Variants in RAPGEF6 observed in about 807,000 individuals in gnomAD.
RAPGEF6 encodes the protein PDZ domain containing guanine nucleotide exchange factor (GEF) 2.
RAPGEF6 carries 56 observed loss-of-function variants against 171.4 expected under a neutral mutation model. That is an observed-to-expected ratio of 0.33 (90% CI 0.26 to 0.41). RAPGEF6 has a LOEUF of 0.41. RAPGEF6 is among the 10% of genes least tolerant of loss of function. The pLI is 1.00. For missense variants in RAPGEF6, 1,674 were observed against 1,921.4 expected (o/e 0.87, Z 2.41); for synonymous variants, 692 against 650.1 (o/e 1.06, Z -0.98).
At chr5:131,575,262 T>C (rs777548185) in intron 4 of RAPGEF6, among the ~76,000 whole-genome samples, 66 of 152,250 alleles carry the variant, frequency 4.3e-4, no homozygotes, top group Non-Finnish European at 7.8e-4. Context: ...ATTACTTTAG[T>C]CAAGCTCTTT....
chr5:131,537,955 T>G (rs1759881955), intron 6 of RAPGEF6, among the ~76,000 whole-genome samples: 1 of 152,060 alleles, frequency 6.6e-6, no homozygotes, highest in South Asian at 2.1e-4. Context: ...TAGCTGGGTG[T>G]GGAGGCATGT....
intron 24 of RAPGEF6, 72 bp downstream of exon 24, chr5:131,439,509 T>A: frequency 6.7e-7 from 1 of 1,491,620 alleles, no homozygotes; most frequent in Non-Finnish European, 8.9e-7. Context: ...TTGCTATAGA[T>A]TGAAAAGCAA....
chr5:131,547,902 G>A, intron 6 of RAPGEF6, 145 bp downstream of exon 6: 2 of 806,284 alleles, frequency 2.5e-6, no homozygotes, highest in South Asian at 2.0e-5. Flanking sequence ...CCAAACAGAA[G>A]CATTTAAAAA....
At chr5:131,459,085 A>G (rs1753720441) in intron 19 of RAPGEF6, among the ~76,000 whole-genome samples, 1 of 152,246 alleles carries the variant, frequency 6.6e-6, no homozygotes, top group Non-Finnish European at 1.5e-5. Context: ...ATCAGACCTT[A>G]AAACCTATTT....
chr5:131,603,849 TA>T (rs1764392972), intron 2 of RAPGEF6, among the ~76,000 whole-genome samples: 2 of 152,010 alleles, frequency 1.3e-5, no homozygotes, highest in Non-Finnish European at 2.9e-5. Flanking sequence ...AATAAATCTC[TA>T]ATAATTATAT....
chr5:131,430,546 A>G (rs1751634836), intron 26 of RAPGEF6, among the ~76,000 whole-genome samples: 1 of 152,212 alleles, frequency 6.6e-6, no homozygotes, highest in Admixed American at 6.5e-5. Context: ...TAATCCCTTT[A>G]CTACTATTGC....
rs763497124 is a variant in RAPGEF6, at chr5:131,436,397, CA to C, written c.3746-2740del. ...ATACTGCCAACTGGAGGGAGAGATGCAAAAACCCTGACATGGTCAATCACAA... is the reference window on the plus strand; with the variant it reads ...ATACTGCCAACTGGAGGGAGAGATGCAAAACCCTGACATGGTCAATCACAA... On this transcript the variant is annotated intron_variant, in intron 24 of 27. Coordinates refer to ENST00000509018, the MANE Select transcript of RAPGEF6 (RefSeq NM_016340.6). 22 of 1,528,412 alleles carry C rather than the reference CA, an allele frequency of 1.4e-5. No homozygotes were observed. The South Asian group carries it at 2.5e-4, about 18-fold the overall frequency. 94.7% of individuals were successfully genotyped at this position (1,528,412 alleles called of 1,614,324 possible).
At position 131,424,853 on chromosome 5, in the gene RAPGEF6, C is replaced by T. The variant is rs1247950596; in HGVS notation, c.*2413G>A. The stretch of plus-strand genomic sequence containing the variant: ...AGTCTTGGCAGATTGAGAGTTGTGG[C>T]AGGAAGAGAGGGCACTAGTCTCTTC... On this transcript the variant is annotated 3_prime_UTR_variant, in exon 28 of 28. Transcript: ENST00000509018. 6.6e-6 allele frequency: 1 copy of T among 152,260 alleles called. No homozygotes were observed. Among genetic ancestry groups the T allele is most frequent in the Non-Finnish European group, 1.5e-5 (1 of 68,032 alleles). The allele number at this position is 152,260 out of a possible 1,614,324, so 9.4% of individuals were successfully genotyped here.
intron 6 of RAPGEF6, among the ~76,000 whole-genome samples, chr5:131,526,943 G>A (rs1758906410): frequency 6.6e-6 from 1 of 152,152 alleles, no homozygotes; most frequent in African/African-American, 2.4e-5. Context: ...TATATATAGA[G>A]GGGGGTGGGG....
intron 7 of RAPGEF6, among the ~76,000 whole-genome samples, chr5:131,513,115 T>C (rs1366792603): frequency 2.0e-5 from 3 of 152,200 alleles, no homozygotes; most frequent in Admixed American, 1.3e-4. Flanking sequence ...CGGAGTATAT[T>C]TCTGAATAAT....
intron 14 of RAPGEF6, among the ~76,000 whole-genome samples, chr5:131,492,337 G>C (rs1383293106): frequency 1.3e-5 from 2 of 152,094 alleles, no homozygotes; most frequent in Admixed American, 6.5e-5. Context: ...ATTCAAAGGA[G>C]GTCATGTTGA....
Position 131,500,050 on chromosome 5 carries a change from C to T in RAPGEF6, c.1255-1443G>A, listed in dbSNP as rs897797539. 1.2e-4 allele frequency among the ~76,000 whole-genome samples: 19 copies of T among 152,084 alleles called. 1 individual carries two copies. On this transcript the variant is annotated intron_variant, in intron 11 of 27. Coordinates refer to ENST00000509018, the MANE Select transcript of RAPGEF6 (RefSeq NM_016340.6). ...AGTAGCTGCAATTACAGGCATGCAC[C>T]ACTATGCCCAGCTAATTTTTGTATT... is the stretch of plus-strand genomic sequence containing the variant.
intron 19 of RAPGEF6, among the ~76,000 whole-genome samples, chr5:131,459,240 G>T (rs1156946442): frequency 6.6e-6 from 1 of 152,072 alleles, no homozygotes; most frequent in East Asian, 1.9e-4. Flanking sequence ...AATGATGTTG[G>T]GTGAAGAAGT....
Position 131,548,154 on chromosome 5 carries a change from G to T in RAPGEF6, c.388C>A (p.Gln130Lys), listed in dbSNP as rs764185840. Residue 130 changes from glutamine to lysine, a missense_variant, in exon 6 of 28, where the codon CAA becomes AAA. Physicochemically the swap from Gln to Lys is moderately conservative, Grantham distance 53. Transcript: ENST00000509018. ...NAKDNEDSIL[Q>K]REIPARQSRR... ...GATTGTCTGGCAGGAATTTCTCTTT[G>T]TAGAATACTATCTTCATTATCTTTG... The T allele has an allele frequency of 6.2e-7, 1 of 1,613,830 alleles. No individual in the cohort carries two copies. Among genetic ancestry groups the T allele is most frequent in the South Asian group, 1.1e-5 (1 of 91,064 alleles).
chr5:131,603,653 T>C (rs1345400532), intron 2 of RAPGEF6, among the ~76,000 whole-genome samples: 1 of 152,094 alleles, frequency 6.6e-6, no homozygotes, highest in African/African-American at 2.4e-5. Flanking sequence ...GAATCCTCAG[T>C]GTGAAGAACA....
At chr5:131,575,454 G>C (rs993962646) in intron 4 of RAPGEF6, among the ~76,000 whole-genome samples, 10 of 152,048 alleles carry the variant, frequency 6.6e-5, no homozygotes, top group African/African-American at 2.4e-4. Context: ...ATCCGTTACC[G>C]ATCTTGGCAT....
At chr5:131,529,911 T>C (rs1213954154) in intron 6 of RAPGEF6, among the ~76,000 whole-genome samples, 1 of 146,238 alleles carries the variant, frequency 6.8e-6, no homozygotes, top group East Asian at 2.0e-4. Context: ...CTTTTTTTTT[T>C]TTTTTTTTTT....
intron 4 of RAPGEF6, among the ~76,000 whole-genome samples, chr5:131,562,473 A>T (rs1317945727): frequency 3.3e-5 from 5 of 151,732 alleles, no homozygotes; most frequent in African/African-American, 1.2e-4. Context: ...AAGACAACAG[A>T]TACTAAAAAT....
In RAPGEF6 at chr5:131,573,422, T is replaced by C. The variant is rs140245826; in HGVS notation, c.282-11375A>G. ...GACTCCACTAAACATATACAGGAAT[T>C]CCAATATCTAACTCAGTCCTACAAT... On this transcript the variant is annotated intron_variant, in intron 4 of 27. Coordinates refer to ENST00000509018, the MANE Select transcript of RAPGEF6 (RefSeq NM_016340.6). 3.3e-5 allele frequency among the ~76,000 whole-genome samples: 5 copies of C among 152,136 alleles called. No individual in the cohort carries two copies. The East Asian group carries it at 7.7e-4, about 24-fold the overall frequency.
Sources: allele counts gnomAD v4.1 joint callset (sites outside exome capture counted in the v4.1 genomes callset), GRCh38; gene constraint gnomAD v4.1.1; transcripts MANE v1.5; gene names NCBI Gene and HGNC (gene_info 2026-07-23, HGNC 2026-07-21).